Variants in GNAT3 observed in about 807,000 individuals in gnomAD.
GNAT3 encodes G protein subunit alpha transducin 3, also known as guanine nucleotide-binding protein G(t) subunit alpha-3.
A neutral mutation model predicts 37.7 loss-of-function variants in GNAT3; 31 were observed. That is an observed-to-expected ratio of 0.82 (90% CI 0.62 to 1.11). The LOEUF is 1.11. Among genes scored for constraint, GNAT3 ranks in the 50% most tolerant of loss-of-function variants. The pLI is 0.00. For synonymous variants in GNAT3, 138 were observed against 139.8 expected (o/e 0.99, Z 0.09); for missense variants, 437 against 412.5 (o/e 1.06, Z -0.51).
chr7:80,481,296 C>T (rs1016139237), intron 3 of GNAT3, among the ~76,000 whole-genome samples: 5 of 152,040 alleles, frequency 3.3e-5, no homozygotes, highest in African/African-American at 1.2e-4. Context: ...TTCTAAGCCC[C>T]GCAACCAACA....
chr7:80,503,144 T>C (rs1308905228), intron 1 of GNAT3, among the ~76,000 whole-genome samples: 1 of 152,158 alleles, frequency 6.6e-6, no homozygotes, highest in Admixed American at 6.6e-5. Context: ...AAAATAAAAT[T>C]CCTATGCAAT....
chr7:80,470,842 GT>G (rs1562721496), intron 5 of GNAT3, among the ~76,000 whole-genome samples: 1 of 151,856 alleles, frequency 6.6e-6, no homozygotes, highest in African/African-American at 2.4e-5. Context: ...TAATGCAAAT[GT>G]TATATTCTAC....
At chr7:80,476,949 T>C (rs1438021341) in intron 4 of GNAT3, among the ~76,000 whole-genome samples, 1 of 152,098 alleles carries the variant, frequency 6.6e-6, no homozygotes, top group Non-Finnish European at 1.5e-5. Flanking sequence ...CTGTTGTTGT[T>C]CTATTGCACC....
chr7:80,503,095 T>TA (rs1189312992), intron 1 of GNAT3, among the ~76,000 whole-genome samples: 5 of 152,110 alleles, frequency 3.3e-5, no homozygotes, highest in African/African-American at 7.2e-5. Flanking sequence ...GTTACATAGT[T>TA]AAAAAACCTA....
chr7:80,465,769 CCTT>C (rs1262426038), intron 5 of GNAT3, among the ~76,000 whole-genome samples: 10 of 151,996 alleles, frequency 6.6e-5, no homozygotes, highest in Non-Finnish European at 1.3e-4. Flanking sequence ...AATTAAACTC[CCTT>C]CTTCTGGGAG....
chr7:80,498,890 A>C (rs1584194460), intron 1 of GNAT3, among the ~76,000 whole-genome samples: 2 of 152,116 alleles, frequency 1.3e-5, no homozygotes, highest in African/African-American at 4.8e-5. Context: ...TTTTAATAAG[A>C]ATAAGTAAGG....
chr7:80,501,316 A>G (rs913597594), intron 1 of GNAT3, among the ~76,000 whole-genome samples: 5 of 151,952 alleles, frequency 3.3e-5, no homozygotes, highest in African/African-American at 9.7e-5. Context: ...TCTTTCTCAT[A>G]TGTATGTATA....
chr7:80,494,768 A>T (rs1205763493), intron 1 of GNAT3, 121 bp from the exon 2 acceptor site: 1 of 619,370 alleles, frequency 1.6e-6, no homozygotes, highest in Non-Finnish European at 2.9e-6. Context: ...GTACAAGTGC[A>T]GTTTTGTTAC....
intron 5 of GNAT3, among the ~76,000 whole-genome samples, chr7:80,470,143 G>C (rs989702277): frequency 2.0e-5 from 3 of 151,802 alleles, no homozygotes; most frequent in Admixed American, 6.6e-5. Flanking sequence ...AAAAGCAAAG[G>C]CTCTTAAAAA....
rs374107465 is a variant in GNAT3 at position 80,500,875 on chromosome 7, A to G, written c.119-6228T>C. ...TAAACATGCATTGTTGGGATAATCC[A>G]TCTTCCCCCAAAAGTCCCCCCAACC... On this transcript the variant is annotated intron_variant, in intron 1 of 7. Transcript: ENST00000398291. Among the ~76,000 whole-genome samples, 18 of 152,130 alleles carry G rather than the reference A, an allele frequency of 1.2e-4. No individual in the cohort carries two copies. The East Asian group carries it at 3.5e-3, about 29-fold the overall frequency.
Position 80,478,831 on chromosome 7 carries a change from A to T in GNAT3, c.461+10T>A, listed in dbSNP as rs755796962. The T allele has an allele frequency of 6.2e-7, 1 of 1,611,160 alleles. No homozygotes were observed. Among genetic ancestry groups the T allele is most frequent in the Non-Finnish European group, 8.5e-7 (1 of 1,178,210 alleles). On this transcript the variant is annotated intron_variant, in intron 4 of 7. Coordinates refer to ENST00000398291, the MANE Select transcript of GNAT3 (RefSeq NM_001102386.3). Reference sequence around the variant, plus strand: ...TTACCTCCAATTCCCCTTAAAGTGAATTCACTTACTAAGCTGCTGAGTCAT... The same window carrying T: ...TTACCTCCAATTCCCCTTAAAGTGATTTCACTTACTAAGCTGCTGAGTCAT...
chr7:80,489,779 G>A (rs1407554988), intron 2 of GNAT3, among the ~76,000 whole-genome samples: 1 of 152,044 alleles, frequency 6.6e-6, no homozygotes, highest in African/African-American at 2.4e-5. Context: ...GCAGTAAAAT[G>A]TCTTTATGGA....
At chr7:80,461,443 G>C (rs2116135747) in intron 7 of GNAT3, among the ~76,000 whole-genome samples, 1 of 152,142 alleles carries the variant, frequency 6.6e-6, no homozygotes, top group Non-Finnish European at 1.5e-5. Flanking sequence ...CAGCCACTCG[G>C]GAGGCTGAAG....
At chr7:80,483,949 C>T (rs1050746969) in intron 3 of GNAT3, among the ~76,000 whole-genome samples, 1 of 152,050 alleles carries the variant, frequency 6.6e-6, no homozygotes, top group African/African-American at 2.4e-5. Flanking sequence ...CTCTCTCTCT[C>T]TTTAAAGAAT....
chr7:80,471,670 A>C (rs1291982137), intron 5 of GNAT3, among the ~76,000 whole-genome samples: 2 of 152,132 alleles, frequency 1.3e-5, no homozygotes, highest in African/African-American at 2.4e-5. Context: ...CTACAGAAAA[A>C]TGGTTTTCAC....
At chr7:80,472,188 C>T (rs901070582) in intron 5 of GNAT3, among the ~76,000 whole-genome samples, 3 of 152,082 alleles carry the variant, frequency 2.0e-5, no homozygotes, top group Non-Finnish European at 4.4e-5. Flanking sequence ...CTATGGCTCA[C>T]CCTGGCTTAG....
intron 3 of GNAT3, among the ~76,000 whole-genome samples, chr7:80,485,685 C>T (rs1419405702): frequency 6.6e-6 from 1 of 151,970 alleles, no homozygotes; most frequent in African/African-American, 2.4e-5. Flanking sequence ...ATAATTTTTT[C>T]AAATGATGTT....
chr7:80,479,223 G>T (rs538516094), intron 3 of GNAT3, among the ~76,000 whole-genome samples: 3 of 152,072 alleles, frequency 2.0e-5, no homozygotes, highest in African/African-American at 7.2e-5. Flanking sequence ...ATTATGTGAA[G>T]AAATTAGCAT....
At chr7:80,489,814 G>T (rs1211239333) in intron 2 of GNAT3, among the ~76,000 whole-genome samples, 1 of 152,058 alleles carries the variant, frequency 6.6e-6, no homozygotes, top group Admixed American at 6.6e-5. Flanking sequence ...GTTTATTAAA[G>T]AAATCCCAGT....
Sources: allele counts gnomAD v4.1 joint callset (sites outside exome capture counted in the v4.1 genomes callset), GRCh38; gene constraint gnomAD v4.1.1; transcripts MANE v1.5; gene names NCBI Gene and HGNC (gene_info 2026-07-23, HGNC 2026-07-21).